The following UGDH variants were observed in gnomAD, a reference collection of about 807,000 sequenced individuals.
UGDH encodes the protein UDP-glucose 6-dehydrogenase, also known as UDP-Glc dehydrogenase.
In UGDH, 38 loss-of-function variants were observed where a neutral mutation model predicts 50.6. That is an observed-to-expected ratio of 0.75 (90% CI 0.58 to 0.98). UGDH has a LOEUF of 0.98. UGDH is among the 50% of genes least tolerant of loss of function. The probability of loss-of-function intolerance (pLI) is 0.00; values close to 1 mark genes in which losing one functional copy is unlikely to be tolerated. For missense variants in UGDH, 465 were observed against 606.2 expected (o/e 0.77, Z 2.45); for synonymous variants, 168 against 199.9 (o/e 0.84, Z 1.35).
At chr4:39,511,779 G>A (rs747828191) in intron 3 of UGDH, among the ~76,000 whole-genome samples, 15 of 149,286 alleles carry the variant, frequency 1.0e-4, no homozygotes, top group Non-Finnish European at 1.6e-4. Context: ...GCGCGATCTC[G>A]GATCACTGCA....
intron 3 of UGDH, among the ~76,000 whole-genome samples, chr4:39,512,008 G>A (rs1746265754): frequency 6.9e-6 from 1 of 145,608 alleles, no homozygotes; most frequent in African/African-American, 2.5e-5. Flanking sequence ...TGGCCAATGG[G>A]CGAAGACTTT....
chr4:39,502,758 G>GT (rs1745870298), intron 11 of UGDH, among the ~76,000 whole-genome samples: 2 of 152,080 alleles, frequency 1.3e-5, no homozygotes, highest in Non-Finnish European at 2.9e-5. Context: ...ACTGTTTTTT[G>GT]TTTTTTGAGG....
chr4:39,514,297 T>C (rs1746362366), intron 2 of UGDH, 113 bp from the exon 3 acceptor site: 1 of 877,378 alleles, frequency 1.1e-6, no homozygotes, highest in Admixed American at 2.7e-5. Context: ...AATTTAAAGG[T>C]CTAGGTTGTG....
At position 39,521,436 on chromosome 4, in the gene UGDH, A is replaced by G. The variant is rs947588957; in HGVS notation, c.77T>C (p.Met26Thr). 8.1e-6 allele frequency: 13 copies of G among 1,613,526 alleles called. No individual in the cohort carries two copies. The Admixed American group carries it at 1.8e-4, about 23-fold the overall frequency. ...AACCGTTACCCTGATTTCAGGACAC[A>G]TATGAGCAATGACACTACATGTGGG... ...GGPTCSVIAH[M>T]CPEIRVTVVD... The change falls in exon 2 of 12, where the codon ATG becomes ACG. Residue 26 changes from methionine (M) to threonine (T), a missense_variant. Coordinates refer to ENST00000316423, the MANE Select transcript of UGDH (RefSeq NM_003359.4).
intron 7 of UGDH, among the ~76,000 whole-genome samples, chr4:39,507,694 T>C (rs1746080547): frequency 6.6e-6 from 1 of 152,112 alleles, no homozygotes; most frequent in Non-Finnish European, 1.5e-5. Flanking sequence ...AACACTTATA[T>C]TCCCAGCACT....
chr4:39,505,514 T>TTA (rs1346337783), intron 8 of UGDH, 104 bp downstream of exon 8: 10 of 1,125,666 alleles, frequency 8.9e-6, no homozygotes, highest in Non-Finnish European at 7.0e-6. Context: ...TCTTTATATT[T>TTA]TATATATATA....
At chr4:39,521,560 G>C (rs1196567376) in intron 1 of UGDH, 41 bp from the exon 2 acceptor site, 2 of 1,426,660 alleles carry the variant, frequency 1.4e-6, no homozygotes, top group Non-Finnish European at 1.9e-6. Context: ...ATTGAAAACA[G>C]AAAATTTAAA....
At chr4:39,519,104 A>T (rs980063695) in intron 2 of UGDH, among the ~76,000 whole-genome samples, 2 of 151,806 alleles carry the variant, frequency 1.3e-5, no homozygotes, top group African/African-American at 4.8e-5. Flanking sequence ...TTTAGTAGAG[A>T]CGAGGTTTTG....
Position 39,513,563 on chromosome 4 carries a change from A to G in UGDH, c.264+520T>C, listed in dbSNP as rs1257660943. ...TTTTTTTTTTTTTTTTTTGAGACAG[A>G]GTCTCACTCTATCACCAGGCTGGAG... is the stretch of plus-strand genomic sequence containing the variant. On this transcript the variant is annotated intron_variant, in intron 3 of 11. Coordinates refer to ENST00000316423, the MANE Select transcript of UGDH (RefSeq NM_003359.4). 3.4e-5 allele frequency among the ~76,000 whole-genome samples: 4 copies of G among 118,974 alleles called. No homozygotes were observed. The East Asian group carries it at 9.9e-4, about 29-fold the overall frequency. 78.1% of individuals were successfully genotyped at this position (118,974 alleles called of 152,430 possible).
At chr4:39,503,251 T>C (rs1185202924) in intron 11 of UGDH, among the ~76,000 whole-genome samples, 1 of 152,178 alleles carries the variant, frequency 6.6e-6, no homozygotes, top group Admixed American at 6.5e-5. Flanking sequence ...GGTTTCACCA[T>C]GTTGGCTAGG....
intron 3 of UGDH, among the ~76,000 whole-genome samples, chr4:39,511,579 T>A (rs1039038692): frequency 6.6e-6 from 1 of 151,842 alleles, no homozygotes; most frequent in Non-Finnish European, 1.5e-5. Flanking sequence ...CTTATTCCCC[T>A]ATTTTTACAG....
intron 11 of UGDH, among the ~76,000 whole-genome samples, 161 bp from the exon 12 acceptor site, chr4:39,500,414 T>G (rs550088064): frequency 6.6e-6 from 1 of 152,280 alleles, no homozygotes; most frequent in South Asian, 2.1e-4. Flanking sequence ...TCTTCCCTAT[T>G]TTTTGTTCCT....
chr4:39,526,564 G>C (rs111691667), intron 1 of UGDH: 2,366 of 158,034 alleles, frequency 0.015, 48 homozygotes, highest in African/African-American at 0.053. Context: ...GTATGCCCAT[G>C]AATAGATCCC....
chr4:39,517,518 A>AT (rs1236290946), intron 2 of UGDH, among the ~76,000 whole-genome samples: 1 of 152,038 alleles, frequency 6.6e-6, no homozygotes, highest in Non-Finnish European at 1.5e-5. Context: ...CCTAAACTGT[A>AT]TTTTTTAAAG....
At chr4:39,525,319 G>A (rs1014029772) in intron 1 of UGDH, among the ~76,000 whole-genome samples, 6 of 151,996 alleles carry the variant, frequency 3.9e-5, no homozygotes, top group African/African-American at 1.2e-4. Context: ...TCAGCCTCCC[G>A]AGTAGCTGGG....
At position 39,503,858 on chromosome 4, in the gene UGDH, T is replaced by G; in HGVS notation, c.1374+17A>C. On this transcript the variant is annotated intron_variant, in intron 11 of 11. Coordinates refer to ENST00000316423, the MANE Select transcript of UGDH (RefSeq NM_003359.4). ...GACCAAACAAAAAGAAAAAAAACAA[T>G]CCAGGATCATGATTACCTGGAAGCC... The G allele has an allele frequency of 6.2e-7, 1 of 1,608,726 alleles. No homozygotes were observed. Among genetic ancestry groups the G allele is most frequent in the East Asian group, 2.2e-5 (1 of 44,798 alleles).
intron 1 of UGDH, among the ~76,000 whole-genome samples, chr4:39,524,028 A>G (rs1003566550): frequency 1.3e-5 from 2 of 152,138 alleles, no homozygotes; most frequent in African/African-American, 4.8e-5. Context: ...TTCTAAATTC[A>G]ATAGAATACC....
At chr4:39,506,715 A>G (rs370605963) in intron 7 of UGDH, among the ~76,000 whole-genome samples, 18 of 152,364 alleles carry the variant, frequency 1.2e-4, no homozygotes, top group African/African-American at 4.3e-4. Context: ...TTCAGGGACC[A>G]TCTCAATCAA....
chr4:39,525,496 ATTTTC>A (rs1194332427), intron 1 of UGDH, among the ~76,000 whole-genome samples: 4 of 58,304 alleles, frequency 6.9e-5, no homozygotes, highest in Non-Finnish European at 1.3e-4. Flanking sequence ...GCCCAGCCCC[ATTTTC>A]TTTTCTTTTT....
Sources: allele counts gnomAD v4.1 joint callset (sites outside exome capture counted in the v4.1 genomes callset), GRCh38; gene constraint gnomAD v4.1.1; transcripts MANE v1.5; gene names NCBI Gene and HGNC (gene_info 2026-07-23, HGNC 2026-07-21).